Variants in ANTXR1 observed in about 807,000 individuals in gnomAD.
The protein encoded by ANTXR1 is anthrax toxin receptor 1.
In ANTXR1, 19 loss-of-function variants were observed where a neutral mutation model predicts 78.1. The observed-to-expected ratio is 0.24, with a 90% CI of 0.17 to 0.36. The LOEUF (loss-of-function observed/expected upper bound fraction) is 0.36. Ranked by LOEUF, ANTXR1 falls within the 10% of genes least tolerant of loss-of-function variation. The pLI is 1.00. For missense variants in ANTXR1, 518 were observed against 718.6 expected (o/e 0.72, Z 3.19); for synonymous variants, 273 against 260.5 (o/e 1.05, Z -0.46).
At chr2:69,064,436 G>A (rs1364574980) in intron 3 of ANTXR1, among the ~76,000 whole-genome samples, 7 of 152,108 alleles carry the variant, frequency 4.6e-5, no homozygotes, top group Admixed American at 2.6e-4. Context: ...TGTGCTAATG[G>A]AGCCTTAGTT....
At chr2:69,226,567 G>A (rs1024307612) in intron 17 of ANTXR1, among the ~76,000 whole-genome samples, 24 of 152,230 alleles carry the variant, frequency 1.6e-4, no homozygotes, top group African/African-American at 5.1e-4. Context: ...AGAGGAGGCT[G>A]AGAAGAATTC....
At chr2:69,097,776 G>T (rs773988950) in intron 9 of ANTXR1, among the ~76,000 whole-genome samples, 25 of 152,186 alleles carry the variant, frequency 1.6e-4, no homozygotes, top group Middle Eastern at 3.2e-3. Flanking sequence ...ACAAAGAAAG[G>T]CTTGTGTACA....
chr2:69,020,251 G>A (rs1349403018), intron 1 of ANTXR1, among the ~76,000 whole-genome samples: 1 of 152,120 alleles, frequency 6.6e-6, no homozygotes, highest in East Asian at 1.9e-4. Context: ...TATTGAGGTG[G>A]ACTTAATGCT....
intron 17 of ANTXR1, among the ~76,000 whole-genome samples, chr2:69,226,873 G>GTC (rs1675469031): frequency 6.6e-6 from 1 of 151,990 alleles, no homozygotes; most frequent in Admixed American, 6.5e-5. Flanking sequence ...TCCTCTTACA[G>GTC]TCTCAATATG....
At chr2:69,105,915 T>A (rs763976331) in intron 10 of ANTXR1, among the ~76,000 whole-genome samples, 7 of 152,150 alleles carry the variant, frequency 4.6e-5, no homozygotes, top group Non-Finnish European at 1.0e-4. Flanking sequence ...CAGCAAATAA[T>A]GCAATAGCAA....
chr2:69,236,364 C>T (rs558924327), intron 17 of ANTXR1, among the ~76,000 whole-genome samples: 6 of 152,084 alleles, frequency 3.9e-5, no homozygotes, highest in South Asian at 2.1e-4. Flanking sequence ...ACACATATAT[C>T]TTTACATATA....
intron 3 of ANTXR1, among the ~76,000 whole-genome samples, chr2:69,055,494 T>C (rs989786611): frequency 6.6e-6 from 1 of 152,154 alleles, no homozygotes; most frequent in South Asian, 2.1e-4. Context: ...TGGGAACAGA[T>C]TGATTTGTGA....
chr2:69,050,125 C>A (rs539734986), intron 3 of ANTXR1, among the ~76,000 whole-genome samples: 3 of 152,064 alleles, frequency 2.0e-5, no homozygotes, highest in Admixed American at 1.3e-4. Flanking sequence ...GAGACCCCAT[C>A]TCTACAAAAA....
At chr2:69,032,359 GTCTT>G (rs1443542437) in intron 1 of ANTXR1, among the ~76,000 whole-genome samples, 1 of 152,038 alleles carries the variant, frequency 6.6e-6, no homozygotes, top group Non-Finnish European at 1.5e-5. Context: ...CCTTTTGTTT[GTCTT>G]TCCCTCCTCT....
chr2:69,218,931 C>G (rs1675246558), intron 17 of ANTXR1, among the ~76,000 whole-genome samples: 1 of 152,126 alleles, frequency 6.6e-6, no homozygotes, highest in Non-Finnish European at 1.5e-5. Context: ...CTGAAAGGCC[C>G]AGGTCCAATT....
chr2:69,096,482 AAGAGGGAGG>A (rs1211483211), intron 9 of ANTXR1, among the ~76,000 whole-genome samples: 10 of 132,322 alleles, frequency 7.6e-5, no homozygotes, highest in Admixed American at 1.5e-4. Flanking sequence ...GAGAGAGAGA[AAGAGGGAGG>A]GAGGGAGGGA....
chr2:69,186,799 C>G (rs1320326352), intron 16 of ANTXR1, among the ~76,000 whole-genome samples: 2 of 152,222 alleles, frequency 1.3e-5, no homozygotes, highest in Admixed American at 1.3e-4. Context: ...TGCCTCTTGC[C>G]CTGCAAATCC....
chr2:69,188,283 T>C lies in ANTXR1; in HGVS notation c.1354-5052T>C, dbSNP rs1235054730. ...CATCACACCCAGCTAATTTTTTTAATTTTTTGTAAACATGGGGATCTCACT... is the reference window on the plus strand; with the variant it reads ...CATCACACCCAGCTAATTTTTTTAACTTTTTGTAAACATGGGGATCTCACT... On this transcript the variant is annotated intron_variant, in intron 16 of 17. Transcript: ENST00000303714. 2.0e-5 allele frequency among the ~76,000 whole-genome samples: 3 copies of C among 152,304 alleles called. No homozygotes were observed. In the East Asian group the frequency reaches 5.8e-4, roughly 29 times the overall value.
intron 9 of ANTXR1, among the ~76,000 whole-genome samples, chr2:69,096,903 T>C (rs1329481344): frequency 6.6e-6 from 1 of 152,232 alleles, no homozygotes; most frequent in African/African-American, 2.4e-5. Flanking sequence ...GTGGCTGCCA[T>C]TTAGCATGGT....
rs189247623 is a variant in ANTXR1, at chr2:69,035,054, A to G, written c.153-4990A>G. On this transcript the variant is annotated intron_variant, in intron 1 of 17. Transcript: ENST00000303714. ...CTACTAGGGCAGTTTCCACACCAGA[A>G]GATCAGTTACAAGGCCAAGTGCAGG... is the stretch of plus-strand genomic sequence containing the variant. Among the ~76,000 whole-genome samples, 3 of 152,260 alleles carry G rather than the reference A, an allele frequency of 2.0e-5. 1 individual carries two copies. The highest frequency in any genetic ancestry group is 4.2e-4 in the South Asian group (2 of 4,818).
intron 6 of ANTXR1, among the ~76,000 whole-genome samples, chr2:69,075,079 T>C (rs1319942457): frequency 6.6e-6 from 1 of 152,152 alleles, no homozygotes; most frequent in Admixed American, 6.5e-5. Context: ...ATTCACAAAA[T>C]ATGCTGACGT....
chr2:69,013,512 G>A lies in ANTXR1; in HGVS notation c.13G>A (p.Glu5Lys), dbSNP rs751180202. The change falls in exon 1 of 18, where the codon GAG becomes AAG. Residue 5 changes from glutamate to lysine, a missense_variant. Glu to Lys is a moderately conservative substitution (Grantham distance 56, BLOSUM62 1). Around this residue, in one of 5 missense-constraint regions of ANTXR1, gnomAD observed 55 missense variants for 52.5 expected, o/e 1.05. Coordinates refer to ENST00000303714, the MANE Select transcript of ANTXR1 (RefSeq NM_032208.3). This position sits in a 1 kb window ranked among gnomAD's most constrained non-coding sequence, Gnocchi z 5.0. ...CGGGCTGCGGGCCATGGCCACGGCGGAGCGGAGAGCCCTCGGCATCGGCTT... is the reference window on the plus strand; with the variant it reads ...CGGGCTGCGGGCCATGGCCACGGCGAAGCGGAGAGCCCTCGGCATCGGCTT... MATA[E>K]RRALGIGFQW... The A allele has an allele frequency of 1.3e-5, 21 of 1,589,048 alleles. No individual in the cohort carries two copies. In the South Asian group the frequency reaches 2.4e-4, roughly 18 times the overall value.
chr2:69,104,753 A>G (rs1217520328), intron 10 of ANTXR1, among the ~76,000 whole-genome samples: 2 of 152,180 alleles, frequency 1.3e-5, no homozygotes, highest in African/African-American at 2.4e-5. Context: ...AATCTACCCT[A>G]TGTGCCGTTG....
intron 12 of ANTXR1, among the ~76,000 whole-genome samples, chr2:69,144,855 A>C (rs1452544967): frequency 2.0e-5 from 3 of 152,222 alleles, no homozygotes; most frequent in Non-Finnish European, 4.4e-5. Flanking sequence ...GAGGCTTCTG[A>C]TAACCTCTTC....
Sources: gnomAD v4.1 joint callset for allele counts (sites outside exome capture counted in the v4.1 genomes callset) on GRCh38, gnomAD v4.1.1 for gene constraint, gnomAD v4.1.1 regional missense constraint, Gnocchi (gnomAD v3.1) non-coding constraint, MANE v1.5 for transcripts, NCBI Gene and HGNC (gene_info 2026-07-23, HGNC 2026-07-21) for gene names.